The following TUBGCP3 variants were observed in gnomAD, a reference collection of about 807,000 sequenced individuals.
TUBGCP3 encodes the protein tubulin gamma complex component 3.
A neutral mutation model predicts 123.1 loss-of-function variants in TUBGCP3; 50 were observed. The observed-to-expected ratio is 0.41, with a 90% confidence interval of 0.32 to 0.51. TUBGCP3 has a LOEUF of 0.51. Among genes scored for constraint, TUBGCP3 ranks in the 20% least tolerant of loss-of-function variants. The pLI is 0.36. For missense variants in TUBGCP3, 882 were observed against 1,127.0 expected (o/e 0.78, Z 3.11); for synonymous variants, 405 against 413.9 (o/e 0.98, Z 0.26).
At chr13:112,516,388 G>A (rs1344112521) in intron 17 of TUBGCP3, 52 bp downstream of exon 17, 3 of 1,487,460 alleles carry the variant, frequency 2.0e-6, no homozygotes, top group East Asian at 5.1e-5. Context: ...CCCAGTGGGG[G>A]CTGGAGGCCG....
At chr13:112,487,091 G>C (rs1037222998) in intron 21 of TUBGCP3, among the ~76,000 whole-genome samples, 8 of 150,622 alleles carry the variant, frequency 5.3e-5, no homozygotes, top group Non-Finnish European at 1.0e-4. Flanking sequence ...GTCTGTGTGT[G>C]TGTGTGTGTG....
intron 20 of TUBGCP3, 126 bp from the exon 21 acceptor site, chr13:112,489,823 C>A: frequency 1.5e-6 from 1 of 683,142 alleles, no homozygotes. Context: ...TACTGTTCAA[C>A]ACTTTCACAA....
Position 112,556,149 on chromosome 13 carries a change from A to C in TUBGCP3, c.624T>G (p.Thr208=), listed in dbSNP as rs1880015931. 6.2e-7 allele frequency: 1 copy of C among 1,614,122 alleles called. No individual in the cohort carries two copies. The highest frequency in any genetic ancestry group is 8.5e-7 in the Non-Finnish European group (1 of 1,180,018). The part of the protein sequence containing the change: ...QLGSRLAWTL[T]ANQPSSQATT... ...TGGCTTGTGAAGAAGGCTGATTTGC[A>C]GTTAAAGTCCATGCGAGTCGTGACC... is the stretch of plus-strand genomic sequence containing the variant. The change falls in exon 6 of 22, where the codon ACT becomes ACG. Residue 208 remains threonine (T), a synonymous_variant. Transcript: ENST00000261965.
chr13:112,550,823 G>A (rs932063970), intron 8 of TUBGCP3, among the ~76,000 whole-genome samples: 25 of 152,230 alleles, frequency 1.6e-4, no homozygotes, highest in Admixed American at 6.5e-5. Context: ...ATGCGGCCAG[G>A]TGCGGTGGCT....
At chr13:112,490,790 A>T (rs959722476) in intron 20 of TUBGCP3, among the ~76,000 whole-genome samples, 11 of 152,226 alleles carry the variant, frequency 7.2e-5, no homozygotes, top group African/African-American at 2.7e-4. Context: ...AACAGTTCAC[A>T]GAGCACAAAG....
chr13:112,591,381 C>T (rs75028810), upstream of TUBGCP3, among the ~76,000 whole-genome samples: 6,622 of 152,314 alleles, frequency 0.043, 192 homozygotes, highest in Non-Finnish European at 0.068. Context: ...TCTAGACAAA[C>T]CCTTAATATA....
chr13:112,532,800 G>C (rs1450307433), intron 11 of TUBGCP3, among the ~76,000 whole-genome samples: 2 of 152,144 alleles, frequency 1.3e-5, no homozygotes, highest in Admixed American at 6.5e-5. Context: ...TTCTACTTTT[G>C]TCTGCCTTTG....
At chr13:112,565,611 G>C (rs140922442) in intron 2 of TUBGCP3, among the ~76,000 whole-genome samples, 413 of 152,294 alleles carry the variant, frequency 2.7e-3, no homozygotes, top group African/African-American at 9.2e-3. Flanking sequence ...CATTCCACTT[G>C]GAAACTACAT....
chr13:112,554,857 T>C (rs1879897191), intron 7 of TUBGCP3, 30 bp downstream of exon 7: 8 of 1,480,200 alleles, frequency 5.4e-6, no homozygotes, highest in South Asian at 2.4e-5. Flanking sequence ...TCTTTCTGAA[T>C]ATTTTAACTT....
chr13:112,537,084 T>G (rs1211169108), intron 11 of TUBGCP3, among the ~76,000 whole-genome samples: 1 of 151,622 alleles, frequency 6.6e-6, no homozygotes, highest in Non-Finnish European at 1.5e-5. Context: ...TGGTTTTACT[T>G]TTTCTTTTCC....
At chr13:112,567,278 C>G (rs928387953) in intron 2 of TUBGCP3, among the ~76,000 whole-genome samples, 1 of 152,174 alleles carries the variant, frequency 6.6e-6, no homozygotes, top group Non-Finnish European at 1.5e-5. Flanking sequence ...CAGATTCCCT[C>G]GAATATCCAC....
At position 112,498,870 on chromosome 13, in the gene TUBGCP3, G is replaced by C. The variant is rs769544782; in HGVS notation, c.2448+175C>G. ...CAGGATGATGATGCCAGTGAGGGTG[G>C]CCCCTCCCTCTTTACAACTGTCAGT... On this transcript the variant is annotated intron_variant, in intron 20 of 21. Transcript: ENST00000261965. The C allele has an allele frequency of 1.9e-6, 3 of 1,610,256 alleles. No individual in the cohort carries two copies. The African/African-American group carries it at 4.0e-5, about 22-fold the overall frequency.
At chr13:112,547,922 G>A (rs993022496) in intron 9 of TUBGCP3, among the ~76,000 whole-genome samples, 170 bp from the exon 10 acceptor site, 7 of 151,994 alleles carry the variant, frequency 4.6e-5, no homozygotes, top group African/African-American at 1.4e-4. Context: ...GTAGAACCCC[G>A]AAAATTGGCA....
chr13:112,498,757 G>T, intron 20 of TUBGCP3: 1 of 1,525,408 alleles, frequency 6.6e-7, no homozygotes, highest in South Asian at 1.2e-5. Flanking sequence ...TCCGACGGGT[G>T]ACATCGGCAT....
intron 1 of TUBGCP3, among the ~76,000 whole-genome samples, chr13:112,585,348 T>C (rs771613683): frequency 3.9e-5 from 6 of 152,266 alleles, no homozygotes; most frequent in Non-Finnish European, 4.4e-5. Flanking sequence ...AGCTACTATT[T>C]ATAAATTCTT....
chr13:112,561,340 T>C (rs1039261978), intron 3 of TUBGCP3, among the ~76,000 whole-genome samples: 5 of 152,188 alleles, frequency 3.3e-5, no homozygotes, highest in Admixed American at 6.5e-5. Context: ...CCTTTAGCTC[T>C]TTCCACACAT....
At chr13:112,588,238 A>G (rs1882776338), upstream of TUBGCP3, 3 of 341,318 alleles carry the variant, frequency 8.8e-6, no homozygotes, top group Admixed American at 4.9e-5. Context: ...TGTCTGGTGC[A>G]TTCCCCCTGC....
intron 10 of TUBGCP3, chr13:112,546,125 C>T (rs146833589): frequency 1.0e-4 from 37 of 369,716 alleles, no homozygotes; most frequent in Middle Eastern, 7.6e-4. Flanking sequence ...TTTTCAGAAA[C>T]AAAAAGTAGC....
rs142334248 is a variant in TUBGCP3, at chr13:112,539,066, A to G, written c.1335+6633T>C. Among the ~76,000 whole-genome samples the G allele has an allele frequency of 2.9e-3, 445 of 152,364 alleles. 1 individual carries two copies. Among genetic ancestry groups the G allele is most frequent in the Middle Eastern group, 6.8e-3 (2 of 294 alleles). ...GATGTCCGAGAACTACAAACAAATC[A>G]GACAAAGCCCACAGACATCTTAGGG... On this transcript the variant is annotated intron_variant, in intron 11 of 21. Coordinates refer to ENST00000261965, the MANE Select transcript of TUBGCP3 (RefSeq NM_006322.6).
Sources: gnomAD v4.1 joint callset for allele counts (sites outside exome capture counted in the v4.1 genomes callset) on GRCh38, gnomAD v4.1.1 for gene constraint, MANE v1.5 for transcripts, NCBI Gene and HGNC (gene_info 2026-07-23, HGNC 2026-07-21) for gene names.